The following SYT9 variants were observed in gnomAD, a reference collection of about 807,000 sequenced individuals.
SYT9 encodes the protein synaptotagmin 9.
SYT9 carries 22 observed loss-of-function variants against 48.4 expected under a neutral mutation model. That is an observed-to-expected ratio of 0.45 (90% CI 0.32 to 0.65). The LOEUF (loss-of-function observed/expected upper bound fraction) is 0.65, where lower values mean the gene tolerates loss of function less well. SYT9 is among the 30% of genes least tolerant of loss of function. The pLI is 0.03. For synonymous variants in SYT9, 265 were observed against 245.0 expected (o/e 1.08, Z -0.76); for missense variants, 577 against 622.0 (o/e 0.93, Z 0.77).
intron 3 of SYT9, among the ~76,000 whole-genome samples, chr11:7,359,008 A>C (rs1850075636): frequency 6.8e-6 from 1 of 147,258 alleles, no homozygotes; most frequent in Non-Finnish European, 1.5e-5. Flanking sequence ...CCCTCCCCTC[A>C]CCCCACAACA....
At chr11:7,370,738 ATATGGAGATAAT>A (rs1450724986) in intron 3 of SYT9, among the ~76,000 whole-genome samples, 5 of 152,174 alleles carry the variant, frequency 3.3e-5, no homozygotes, top group Non-Finnish European at 5.9e-5. Flanking sequence ...GTTGGGATAA[ATATGGAGATAAT>A]TAGAATTTGA....
Position 7,353,726 on chromosome 11 carries a change from T to C in SYT9, c.1044+39785T>C, listed in dbSNP as rs1397296272. On this transcript the variant is annotated intron_variant, in intron 3 of 6. Coordinates refer to ENST00000318881, the MANE Select transcript of SYT9 (RefSeq NM_175733.4). ...GTATTTATTTATATTAAGCTTTCCC[T>C]GTTTGAATTACTGGATGGTTTCTCT... 5.9e-5 allele frequency among the ~76,000 whole-genome samples: 9 copies of C among 152,246 alleles called. No individual in the cohort carries two copies. The East Asian group carries it at 1.7e-3, about 29-fold the overall frequency.
chr11:7,254,378 C>T (rs1204121540), intron 1 of SYT9, among the ~76,000 whole-genome samples: 1 of 152,162 alleles, frequency 6.6e-6, no homozygotes, highest in Non-Finnish European at 1.5e-5. Flanking sequence ...ATCCAAAGTG[C>T]ACCCTCTCCT....
chr11:7,276,236 T>C (rs951097495), intron 1 of SYT9, among the ~76,000 whole-genome samples: 2 of 152,174 alleles, frequency 1.3e-5, no homozygotes, highest in Non-Finnish European at 2.9e-5. Context: ...GCCAGTTTTA[T>C]CTCGTAATAA....
At chr11:7,313,158 C>T (rs571129244) in intron 2 of SYT9, among the ~76,000 whole-genome samples, 2 of 152,150 alleles carry the variant, frequency 1.3e-5, no homozygotes, top group Non-Finnish European at 2.9e-5. Context: ...GCTCTGAGGT[C>T]ACATGTTACT....
In SYT9 at chr11:7,392,847, T is replaced by TTG. The variant is rs542877862; in HGVS notation, c.1045-23183_1045-23182dup. ...CATTAGATGTATCCCTAGGTATTTT[T>TTG]TGTGTGTGTGTGTATTACAAATGGG... On this transcript the variant is annotated intron_variant, in intron 3 of 6. Coordinates refer to ENST00000318881, the MANE Select transcript of SYT9 (RefSeq NM_175733.4). Among the ~76,000 whole-genome samples the TTG allele has an allele frequency of 1.1e-4, 17 of 152,142 alleles. No homozygotes were observed. The South Asian group carries it at 2.9e-3, about 26-fold the overall frequency.
At chr11:7,245,278 A>G (rs993969008) in intron 1 of SYT9, among the ~76,000 whole-genome samples, 1 of 152,236 alleles carries the variant, frequency 6.6e-6, no homozygotes, top group Non-Finnish European at 1.5e-5. Flanking sequence ...CCAGGATTAA[A>G]TGCAACAACA....
chr11:7,405,621 C>A (rs577593641), intron 3 of SYT9, among the ~76,000 whole-genome samples: 6 of 152,250 alleles, frequency 3.9e-5, no homozygotes, highest in Admixed American at 3.3e-4. Flanking sequence ...ACAACCACAA[C>A]AAATGCTAAA....
chr11:7,400,632 A>G (rs945949394), intron 3 of SYT9, among the ~76,000 whole-genome samples: 1 of 152,232 alleles, frequency 6.6e-6, no homozygotes, highest in Non-Finnish European at 1.5e-5. Flanking sequence ...GCATGCATTT[A>G]TAAGACAACT....
At chr11:7,463,895 G>C (rs1848280299) in intron 6 of SYT9, among the ~76,000 whole-genome samples, 1 of 152,144 alleles carries the variant, frequency 6.6e-6, no homozygotes, top group Non-Finnish European at 1.5e-5. Context: ...CCCAGCTATG[G>C]AGTTCAGGTG....
chr11:7,376,326 CTT>C (rs1208730805), intron 3 of SYT9, among the ~76,000 whole-genome samples: 2 of 134,046 alleles, frequency 1.5e-5, no homozygotes, highest in African/African-American at 2.7e-5. Context: ...CTCTATCTCT[CTT>C]TCTCTCTCCC....
chr11:7,284,660 G>T (rs1223431753), intron 1 of SYT9, among the ~76,000 whole-genome samples: 1 of 151,508 alleles, frequency 6.6e-6, no homozygotes. Flanking sequence ...AGTGTGTCTG[G>T]GTGTGCTCTC....
chr11:7,440,074 C>T (rs1243562229), intron 6 of SYT9: 1 of 152,252 alleles, frequency 6.6e-6, no homozygotes, highest in African/African-American at 2.4e-5. Context: ...CATCTAGACT[C>T]TCACTGAACT....
intron 1 of SYT9, among the ~76,000 whole-genome samples, chr11:7,255,631 G>A (rs1847955261): frequency 6.6e-6 from 1 of 152,138 alleles, no homozygotes; most frequent in African/African-American, 2.4e-5. Context: ...ATTTATTGAA[G>A]GAAGAGATGT....
At chr11:7,300,909 A>G (rs900434408) in intron 1 of SYT9, among the ~76,000 whole-genome samples, 1 of 152,064 alleles carries the variant, frequency 6.6e-6, no homozygotes, top group Non-Finnish European at 1.5e-5. Context: ...TTTGAGGTAT[A>G]GTTCCTAGCC....
At chr11:7,393,576 T>C (rs1218495692) in intron 3 of SYT9, among the ~76,000 whole-genome samples, 1 of 152,114 alleles carries the variant, frequency 6.6e-6, no homozygotes, top group Non-Finnish European at 1.5e-5. Flanking sequence ...TTTGTTGTTT[T>C]GTCTTTGCCA....
At chr11:7,273,477 C>T (rs1006911507) in intron 1 of SYT9, among the ~76,000 whole-genome samples, 3 of 152,040 alleles carry the variant, frequency 2.0e-5, no homozygotes, top group East Asian at 1.9e-4. Flanking sequence ...AGTTAAAGTG[C>T]GAGAGAGAAC....
intron 3 of SYT9, among the ~76,000 whole-genome samples, chr11:7,399,112 T>G (rs1434858659): frequency 6.6e-6 from 1 of 152,104 alleles, no homozygotes; most frequent in African/African-American, 2.4e-5. Flanking sequence ...GTGATAAGAA[T>G]AAGAGGAAGC....
intron 3 of SYT9, among the ~76,000 whole-genome samples, chr11:7,377,111 C>T (rs190066136): frequency 8.0e-4 from 120 of 150,540 alleles, no homozygotes; most frequent in Admixed American, 3.3e-3. Context: ...TCAACTGTCC[C>T]TGATCAACCT....
Sources: gnomAD v4.1 joint callset for allele counts (sites outside exome capture counted in the v4.1 genomes callset) on GRCh38, gnomAD v4.1.1 for gene constraint, MANE v1.5 for transcripts, NCBI Gene and HGNC (gene_info 2026-07-23, HGNC 2026-07-21) for gene names.